ATP6V1B2: variants seen among roughly 807,000 people sequenced by gnomAD.
The protein encoded by ATP6V1B2 is V-type proton ATPase subunit B, brain isoform.
ATP6V1B2 carries 23 observed loss-of-function variants against 66.7 expected under a neutral mutation model. The observed-to-expected ratio is 0.34, with a 90% CI of 0.25 to 0.49. The LOEUF (loss-of-function observed/expected upper bound fraction) is 0.49. ATP6V1B2 is among the 20% of genes least tolerant of loss of function. ATP6V1B2 has a pLI of 0.99. For missense variants in ATP6V1B2, 478 were observed against 650.8 expected (o/e 0.73, Z 2.89); for synonymous variants, 278 against 236.7 (o/e 1.17, Z -1.60).
At chr8:20,205,320 A>T (rs1212271290) in intron 2 of ATP6V1B2, among the ~76,000 whole-genome samples, 1 of 152,220 alleles carries the variant, frequency 6.6e-6, no homozygotes, top group Non-Finnish European at 1.5e-5. Context: ...CAATTGTGTT[A>T]AGTGCTGAGC....
intron 3 of ATP6V1B2, 126 bp downstream of exon 3, chr8:20,209,657 C>T (rs764623937): frequency 5.7e-6 from 5 of 872,934 alleles, no homozygotes; most frequent in Non-Finnish European, 7.1e-6. Context: ...TTACCGGCTG[C>T]AGGGAAAGAA....
intron 3 of ATP6V1B2, 150 bp downstream of exon 3, chr8:20,209,681 G>GT (rs2072773838): frequency 2.7e-6 from 2 of 744,472 alleles, no homozygotes; most frequent in South Asian, 1.9e-5. Flanking sequence ...ATTATTGCAT[G>GT]TTTTTTTGCT....
At chr8:20,216,542 G>A (rs750906318) in intron 11 of ATP6V1B2, 47 bp downstream of exon 11, 12 of 1,534,688 alleles carry the variant, frequency 7.8e-6, no homozygotes, top group Middle Eastern at 3.4e-4. Flanking sequence ...CTGCTCATCC[G>A]TTATTCTTTA....
At chr8:20,218,964 G>C (rs987934982) in intron 13 of ATP6V1B2, among the ~76,000 whole-genome samples, 2 of 151,796 alleles carry the variant, frequency 1.3e-5, no homozygotes, top group Admixed American at 1.3e-4. Flanking sequence ...CATTGTCCCA[G>C]TTAACTCAAG....
intron 2 of ATP6V1B2, among the ~76,000 whole-genome samples, chr8:20,207,433 T>C (rs1271135112): frequency 6.6e-6 from 1 of 152,118 alleles, no homozygotes; most frequent in East Asian, 1.9e-4. Flanking sequence ...AAGATCTAAA[T>C]ATAGAAAAGG....
Position 20,220,473 on chromosome 8 carries a change from CG to C in ATP6V1B2, c.*73del. Reference sequence around the variant, plus strand: ...GTTTTCTTTATTCCTTTTGCACTCTCGGTTCCCACCTTTGTGTTGGAGTTTA... The same window carrying C: ...GTTTTCTTTATTCCTTTTGCACTCTCGTTCCCACCTTTGTGTTGGAGTTTA... On this transcript the variant is annotated 3_prime_UTR_variant, in exon 14 of 14. Coordinates refer to ENST00000276390, the MANE Select transcript of ATP6V1B2 (RefSeq NM_001693.4). 6.8e-7 allele frequency: 1 copy of C among 1,462,448 alleles called. No individual in the cohort carries two copies. The highest frequency in any genetic ancestry group is 9.0e-7 in the Non-Finnish European group (1 of 1,108,594). 90.6% of individuals were successfully genotyped at this position (1,462,448 alleles called of 1,614,324 possible).
intron 9 of ATP6V1B2, chr8:20,214,296 T>C (rs2072827916): frequency 6.6e-6 from 1 of 152,374 alleles, no homozygotes; most frequent in African/African-American, 2.4e-5. Context: ...AGAAATTGTT[T>C]AATTTTTCTG....
At position 20,211,327 on chromosome 8, in the gene ATP6V1B2, G is replaced by C; in HGVS notation, c.603+11G>C. On this transcript the variant is annotated intron_variant, in intron 6 of 13. Coordinates refer to ENST00000276390, the MANE Select transcript of ATP6V1B2 (RefSeq NM_001693.4). Reference sequence around the variant, plus strand: ...CTACCACACAATGAGGTGAGGACTGGGATCGGTTTGCTATGAAGTTTAGCA... The same window carrying C: ...CTACCACACAATGAGGTGAGGACTGCGATCGGTTTGCTATGAAGTTTAGCA... 6.2e-7 allele frequency: 1 copy of C among 1,606,320 alleles called. No individual in the cohort carries two copies. Among genetic ancestry groups the C allele is most frequent in the East Asian group, 2.2e-5 (1 of 44,772 alleles).
chr8:20,206,792 C>T (rs560199511), intron 2 of ATP6V1B2, among the ~76,000 whole-genome samples: 6 of 152,238 alleles, frequency 3.9e-5, no homozygotes, highest in South Asian at 2.1e-4. Flanking sequence ...TTTCCAGTAC[C>T]GCTACTCTGT....
In ATP6V1B2 at chr8:20,209,483, G is replaced by C; in HGVS notation, c.243G>C (p.Lys81Asn). ...ATTTGACCTTACCGGATGGCACAAA[G>C]AGAAGTGGGCAAGTTCTGGAAGTTA... ...IVHLTLPDGT[K>N]RSGQVLEVSG... Residue 81 changes from lysine (K) to asparagine (N), a missense_variant, in exon 3 of 14, where the codon AAG (lysine) becomes AAC (asparagine). By Grantham distance (94) the Lys-to-Asn change is moderately conservative (BLOSUM62 0). Transcript: ENST00000276390. 6.2e-7 allele frequency: 1 copy of C among 1,614,084 alleles called. No homozygotes were observed. The highest frequency in any genetic ancestry group is 8.5e-7 in the Non-Finnish European group (1 of 1,179,986).
chr8:20,217,672 C>A (rs2072869292), intron 12 of ATP6V1B2, among the ~76,000 whole-genome samples: 1 of 152,126 alleles, frequency 6.6e-6, no homozygotes, highest in Non-Finnish European at 1.5e-5. Context: ...ACATATTAAG[C>A]CGTCACCAGA....
intron 9 of ATP6V1B2, chr8:20,214,433 T>G (rs1480104934): frequency 6.4e-6 from 1 of 156,088 alleles, no homozygotes; most frequent in Non-Finnish European, 1.4e-5. Context: ...CTTTTGACCT[T>G]TTTGGGATTA....
Position 20,210,337 on chromosome 8 carries a change from T to G in ATP6V1B2, c.292-9T>G, listed in dbSNP as rs1404354265. ...TTCTACCCTTCTCATTAATTCTTTT[T>G]CTTGATAGGTATTTGAAGGGACTTC... is the stretch of plus-strand genomic sequence containing the variant. On this transcript the variant is annotated splice_polypyrimidine_tract_variant and intron_variant, in intron 3 of 13. Coordinates refer to ENST00000276390, the MANE Select transcript of ATP6V1B2 (RefSeq NM_001693.4). The G allele has an allele frequency of 6.2e-7, 1 of 1,604,814 alleles. No homozygotes were observed. Among genetic ancestry groups the G allele is most frequent in the African/African-American group, 1.3e-5 (1 of 74,722 alleles).
chr8:20,215,320 G>A (rs10503675), intron 10 of ATP6V1B2: 112,015 of 158,538 alleles, frequency 0.71, 40,040 homozygotes, highest in East Asian at 0.8. Context: ...TGTGTGCACC[G>A]GTAATTTAAC....
At position 20,217,889 on chromosome 8, in the gene ATP6V1B2, T is replaced by C. The variant is rs543336123; in HGVS notation, c.1267-264T>C. ...TGAGTTCTGATTTTCAAGTGCTCTA[T>C]AAATTTTGAGCTCATTAACATATTG... On this transcript the variant is annotated intron_variant, in intron 12 of 13. Coordinates refer to ENST00000276390, the MANE Select transcript of ATP6V1B2 (RefSeq NM_001693.4). Among the ~76,000 whole-genome samples, 6 of 152,350 alleles carry C rather than the reference T, an allele frequency of 3.9e-5. No homozygotes were observed. In the East Asian group the frequency reaches 1.2e-3, roughly 29 times the overall value.
At chr8:20,216,736 A>G in intron 11 of ATP6V1B2, 1 of 349,084 alleles carries the variant, frequency 2.9e-6, no homozygotes, top group South Asian at 7.2e-5. Context: ...CTTGTCTCCA[A>G]GAACTTTTTT....
intron 2 of ATP6V1B2, among the ~76,000 whole-genome samples, chr8:20,205,995 GA>G (rs1231418178): frequency 1.3e-5 from 2 of 151,886 alleles, no homozygotes. Flanking sequence ...AATAAATACA[GA>G]AAAAAAATTT....
intron 5 of ATP6V1B2, 42 bp downstream of exon 5, chr8:20,210,688 C>T (rs1563810360): frequency 6.4e-7 from 1 of 1,556,800 alleles, no homozygotes; most frequent in African/African-American, 1.4e-5. Context: ...GAGAAAATAA[C>T]CTCACTCTGT....
At chr8:20,211,391 C>A (rs2128885808) in intron 6 of ATP6V1B2, 75 bp downstream of exon 6, 1 of 1,549,832 alleles carries the variant, frequency 6.5e-7, no homozygotes, top group Non-Finnish European at 8.7e-7. Flanking sequence ...TACTGAGAAA[C>A]CGAATAAAGG....
Sources: allele counts gnomAD v4.1 joint callset (sites outside exome capture counted in the v4.1 genomes callset), GRCh38; gene constraint gnomAD v4.1.1; transcripts MANE v1.5; gene names NCBI Gene and HGNC (gene_info 2026-07-23, HGNC 2026-07-21).